Variants in FMN2 observed in about 807,000 individuals in gnomAD.
The protein encoded by FMN2 is formin 2.
FMN2 carries 51 observed loss-of-function variants against 142.3 expected under a neutral mutation model. The observed-to-expected ratio is 0.36, with a 90% CI of 0.29 to 0.45. The LOEUF is 0.45. FMN2 is among the 20% of genes least tolerant of loss of function. The pLI, the probability that FMN2 is intolerant of heterozygous loss-of-function variation, is 1.00. For synonymous variants in FMN2, 882 were observed against 869.8 expected, an observed-to-expected ratio of 1.01 and a Z score of -0.25; for missense variants, 1,936 against 2,122.8, an observed-to-expected ratio of 0.91 and a Z score of 1.73.
chr1:240,439,499 C>G (rs1019946523), intron 16 of FMN2, among the ~76,000 whole-genome samples: 1 of 152,114 alleles, frequency 6.6e-6, no homozygotes, highest in Non-Finnish European at 1.5e-5. Context: ...CTTGCGCTTA[C>G]TCCTATAATA....
At chr1:240,298,119 T>C (rs1317242871) in intron 8 of FMN2, among the ~76,000 whole-genome samples, 1 of 152,206 alleles carries the variant, frequency 6.6e-6, no homozygotes, top group African/African-American at 2.4e-5. Flanking sequence ...TAGCTGGCAC[T>C]GGTTAAACTT....
Position 240,093,380 on chromosome 1 carries a change from G to T in FMN2, c.1271G>T (p.Arg424Leu). Residue 424 changes from arginine to leucine, a missense_variant, in exon 1 of 18, where the codon CGG becomes CTG. Around this residue, in one of 8 missense-constraint regions of FMN2, gnomAD observed 751 missense variants for 791.8 expected, o/e 0.95. Coordinates refer to ENST00000319653, the MANE Select transcript of FMN2 (RefSeq NM_020066.5). ...CCCTGCTACATCAAGACCACCACCC[G>T]GCAGCTCAGCTCGCCCAATCACTCC... is the stretch of plus-strand genomic sequence containing the variant. ...ITPCYIKTTT[R>L]QLSSPNHSPS... The T allele has an allele frequency of 6.2e-7, 1 of 1,613,168 alleles. No individual in the cohort carries two copies. The highest frequency in any genetic ancestry group is 8.5e-7 in the Non-Finnish European group (1 of 1,179,610).
chr1:240,278,271 T>C (rs983351339), intron 7 of FMN2, among the ~76,000 whole-genome samples: 7 of 152,198 alleles, frequency 4.6e-5, no homozygotes. Flanking sequence ...GAGTGCTGTA[T>C]TCCCATCACC....
chr1:240,241,825 CTTT>C (rs71567282), intron 6 of FMN2, among the ~76,000 whole-genome samples: 5 of 96,232 alleles, frequency 5.2e-5, no homozygotes, highest in African/African-American at 1.5e-4. Context: ...GTGTGCCTTG[CTTT>C]TTTTTTTTTT....
chr1:240,242,062 G>T (rs1667928561), intron 6 of FMN2, among the ~76,000 whole-genome samples: 1 of 151,956 alleles, frequency 6.6e-6, no homozygotes, highest in Non-Finnish European at 1.5e-5. Context: ...AGCCAGGATG[G>T]TCTCGATCTC....
At chr1:240,347,473 A>G (rs576943628) in intron 13 of FMN2, among the ~76,000 whole-genome samples, 3 of 152,288 alleles carry the variant, frequency 2.0e-5, no homozygotes, top group Non-Finnish European at 4.4e-5. Context: ...TCATCAACGC[A>G]CATTAGAATC....
intron 8 of FMN2, among the ~76,000 whole-genome samples, chr1:240,322,616 A>T (rs2103002379): frequency 6.6e-6 from 1 of 152,302 alleles, no homozygotes; most frequent in Admixed American, 6.5e-5. Flanking sequence ...AGAGAGGAAA[A>T]GTAGTTGGAA....
At chr1:240,393,464 C>T (rs1367683424) in intron 15 of FMN2, among the ~76,000 whole-genome samples, 2 of 152,142 alleles carry the variant, frequency 1.3e-5, no homozygotes, top group Non-Finnish European at 2.9e-5. Context: ...ACCATCTGTT[C>T]CCTTGCGTCT....
intron 7 of FMN2, among the ~76,000 whole-genome samples, chr1:240,280,182 A>G (rs1384693241): frequency 6.6e-6 from 1 of 152,146 alleles, no homozygotes; most frequent in Non-Finnish European, 1.5e-5. Flanking sequence ...ATGTCTGCCA[A>G]TATATAAATG....
chr1:240,124,477 C>T (rs1387798706), intron 2 of FMN2, among the ~76,000 whole-genome samples: 1 of 152,122 alleles, frequency 6.6e-6, no homozygotes, highest in African/African-American at 2.4e-5. Context: ...AATATGAACA[C>T]AGCTGGATTC....
At chr1:240,280,523 A>C (rs188563167) in intron 7 of FMN2, among the ~76,000 whole-genome samples, 1 of 152,242 alleles carries the variant, frequency 6.6e-6, no homozygotes, top group African/African-American at 2.4e-5. Flanking sequence ...GCAAAATGTG[A>C]TCCCAGAGTT....
intron 13 of FMN2, 28 bp downstream of exon 13, chr1:240,334,257 T>A: frequency 6.4e-7 from 1 of 1,563,550 alleles, no homozygotes; most frequent in Non-Finnish European, 8.6e-7. Context: ...ACTCATGTTT[T>A]CTGTTTATGC....
chr1:240,372,913 G>A (rs369874838), intron 14 of FMN2, among the ~76,000 whole-genome samples: 18 of 152,184 alleles, frequency 1.2e-4, no homozygotes, highest in East Asian at 9.7e-4. Context: ...TCGGCTGGGC[G>A]CCGTGGCTCA....
chr1:240,148,317 CAG>C (rs1455606573), intron 2 of FMN2, among the ~76,000 whole-genome samples: 2 of 141,548 alleles, frequency 1.4e-5, no homozygotes, highest in Non-Finnish European at 3.0e-5. Context: ...GAGAGACAGA[CAG>C]AAACAGAGAG....
At chr1:240,366,670 G>A (rs2103062987) in intron 14 of FMN2, among the ~76,000 whole-genome samples, 1 of 151,790 alleles carries the variant, frequency 6.6e-6, no homozygotes, top group South Asian at 2.1e-4. Flanking sequence ...TCCAAGTTCA[G>A]CCTTCCAAGT....
chr1:240,385,529 A>G (rs894120056), intron 14 of FMN2, among the ~76,000 whole-genome samples: 1 of 152,176 alleles, frequency 6.6e-6, no homozygotes, highest in Admixed American at 6.5e-5. Context: ...ATGATTTGAT[A>G]TAAAAATTTA....
chr1:240,356,947 A>G (rs1672292449), intron 14 of FMN2, among the ~76,000 whole-genome samples: 1 of 152,210 alleles, frequency 6.6e-6, no homozygotes, highest in Non-Finnish European at 1.5e-5. Flanking sequence ...GTTGAATGTC[A>G]TTTTCAAATT....
At chr1:240,247,553 A>G (rs916389554) in intron 6 of FMN2, among the ~76,000 whole-genome samples, 2 of 152,188 alleles carry the variant, frequency 1.3e-5, no homozygotes, top group African/African-American at 2.4e-5. Flanking sequence ...AGATTCTATA[A>G]GACTTTTTAA....
intron 7 of FMN2, among the ~76,000 whole-genome samples, chr1:240,277,085 T>A (rs1669240735): frequency 6.6e-6 from 1 of 152,172 alleles, no homozygotes; most frequent in Non-Finnish European, 1.5e-5. Context: ...AGCGGCTTTC[T>A]TGATTTCCTA....
Sources: gnomAD v4.1 joint callset for allele counts (sites outside exome capture counted in the v4.1 genomes callset) on GRCh38, gnomAD v4.1.1 for gene constraint, gnomAD v4.1.1 regional missense constraint, MANE v1.5 for transcripts, NCBI Gene and HGNC (gene_info 2026-07-23, HGNC 2026-07-21) for gene names.